Variants in FBXO24 observed in about 807,000 individuals in gnomAD.
The protein encoded by FBXO24 is F-box protein 24.
A neutral mutation model predicts 63.5 loss-of-function variants in FBXO24; 30 were observed. That is an observed-to-expected ratio of 0.47 (90% CI 0.35 to 0.64). FBXO24 has a LOEUF of 0.64. Among genes scored for constraint, FBXO24 ranks in the 30% least tolerant of loss-of-function variants. The pLI is 0.00. For missense variants in FBXO24, 624 were observed against 763.4 expected, an observed-to-expected ratio of 0.82 and a Z score of 2.15; for synonymous variants, 300 against 305.0, an observed-to-expected ratio of 0.98 and a Z score of 0.17.
chr7:100,591,663 C>T lies in FBXO24; in HGVS notation c.323-4C>T. On this transcript the variant is annotated splice_region_variant and splice_polypyrimidine_tract_variant and intron_variant, in intron 3 of 9. Transcript: ENST00000241071. ...TGAACCTTCCATCTCCTTCCTTCCT[C>T]CAGACACGAAGGGCCTGTATTTCCA... The T allele has an allele frequency of 6.2e-7, 1 of 1,613,732 alleles. No homozygotes were observed.
chr7:100,596,670 G>A (rs1802322755), intron 8 of FBXO24, among the ~76,000 whole-genome samples: 1 of 152,136 alleles, frequency 6.6e-6, no homozygotes, highest in Admixed American at 6.5e-5. Flanking sequence ...AGAATGGGAA[G>A]GAATGGATAC....
chr7:100,589,642 T>G, intron 1 of FBXO24: 1 of 1,483,860 alleles, frequency 6.7e-7, no homozygotes, highest in Non-Finnish European at 9.0e-7. Context: ...GCTGGGGACA[T>G]GGTGTGGGAA....
At chr7:100,599,072 A>G (rs1802452744) in intron 8 of FBXO24, among the ~76,000 whole-genome samples, 1 of 151,992 alleles carries the variant, frequency 6.6e-6, no homozygotes, top group Non-Finnish European at 1.5e-5. Flanking sequence ...TCTATAGAAA[A>G]TTTAAAAATT....
At chr7:100,587,785 G>C (rs1249474288) in intron 1 of FBXO24, among the ~76,000 whole-genome samples, 1 of 151,474 alleles carries the variant, frequency 6.6e-6, no homozygotes, top group Non-Finnish European at 1.5e-5. Context: ...AATTTTTGTA[G>C]AGATGGGGTT....
At chr7:100,595,746 C>T in intron 8 of FBXO24, 40 bp downstream of exon 8, 1 of 1,534,646 alleles carries the variant, frequency 6.5e-7, no homozygotes, top group East Asian at 2.3e-5. Context: ...CAACCCCTTT[C>T]CTCCAATTCC....
chr7:100,599,886 C>A, intron 8 of FBXO24, 145 bp from the exon 9 acceptor site: 1 of 876,006 alleles, frequency 1.1e-6, no homozygotes, highest in Non-Finnish European at 1.8e-6. Context: ...GTCAGCAGGG[C>A]AGACCTGGGG....
At position 100,600,581 on chromosome 7, in the gene FBXO24, C is replaced by A; in HGVS notation, c.1425C>A (p.Tyr475Ter). 1 of 1,603,422 alleles carries A rather than the reference C, an allele frequency of 6.2e-7. No individual in the cohort carries two copies. The highest frequency in any genetic ancestry group is 8.5e-7 in the Non-Finnish European group (1 of 1,173,526). ...CALCATRECL[Y>*]ILSSHDIEQH... ...TCTGTGCCACCAGGGAGTGCCTATA[C>A]ATCCTGTCCAGCCACGACATTGAGC... Residue 475 changes from tyrosine to a stop codon, truncating the protein, a stop_gained, in exon 10 of 10, where the codon TAC becomes TAA. Coordinates refer to ENST00000241071, the MANE Select transcript of FBXO24 (RefSeq NM_033506.3). LOFTEE classifies it high-confidence loss of function. The surrounding 1 kb of genome is among the most constrained non-coding windows in gnomAD (Gnocchi z 6.3).
Position 100,595,344 on chromosome 7 carries a change from T to C in FBXO24, c.1074+121T>C, listed in dbSNP as rs1802253871. On this transcript the variant is annotated intron_variant, in intron 7 of 9. Transcript: ENST00000241071. ...GGCAGGGGATCCCCAGGGAGAGGTA[T>C]GCCAAAAGAGATCAGCTGGGGGCTC... is the stretch of plus-strand genomic sequence containing the variant. 5.2e-6 allele frequency: 8 copies of C among 1,533,588 alleles called. No homozygotes were observed. The South Asian group carries it at 9.7e-5, about 19-fold the overall frequency. The allele number at this position is 1,533,588 out of a possible 1,614,324, so 95.0% of individuals were successfully genotyped here. A position where few individuals can be genotyped will look rare whatever the true frequency, so the allele number is the denominator to read the frequency against.
intron 8 of FBXO24, among the ~76,000 whole-genome samples, chr7:100,596,871 T>C (rs1475306291): frequency 6.6e-6 from 1 of 152,060 alleles, no homozygotes; most frequent in Non-Finnish European, 1.5e-5. Flanking sequence ...GGTGAAACCC[T>C]GTCTCTAGAA....
chr7:100,599,703 G>T (rs1463634950), intron 8 of FBXO24: 11 of 285,408 alleles, frequency 3.9e-5, no homozygotes, highest in Non-Finnish European at 7.4e-5. Flanking sequence ...TCTCCCCGAG[G>T]CTGGCAGGCA....
chr7:100,600,220 G>T lies in FBXO24; in HGVS notation c.1377+19G>T. 6.6e-7 allele frequency: 1 copy of T among 1,511,714 alleles called. No individual in the cohort carries two copies. The highest frequency in any genetic ancestry group is 1.3e-5 in the South Asian group (1 of 78,458). 93.6% of individuals were successfully genotyped at this position (1,511,714 alleles called of 1,614,324 possible). A position where few individuals can be genotyped will look rare whatever the true frequency, so the allele number is the denominator to read the frequency against. On this transcript the variant is annotated intron_variant, in intron 9 of 9. Coordinates refer to ENST00000241071, the MANE Select transcript of FBXO24 (RefSeq NM_033506.3). The surrounding 1 kb of genome is among the most constrained non-coding windows in gnomAD (Gnocchi z 6.3). ...AGTCAAGGTCAGAGCGGGGTCAGGA[G>T]AGTGGGCACCCAGGGAGGATGAGAG...
At chr7:100,592,004 T>A in intron 4 of FBXO24, 102 bp downstream of exon 4, 1 of 1,163,996 alleles carries the variant, frequency 8.6e-7, no homozygotes, top group African/African-American at 1.5e-5. Context: ...CTTACACCTG[T>A]AATCCTAGCA....
At position 100,595,630 on chromosome 7, in the gene FBXO24, G is replaced by A. The variant is rs752094310; in HGVS notation, c.1130G>A (p.Arg377Gln). The change falls in exon 8 of 10, where the codon CGA becomes CAA. Residue 377 changes from arginine (R) to glutamine (Q), a missense_variant. Around this residue, in one of 3 missense-constraint regions of FBXO24, gnomAD observed 17 missense variants for 49.0 expected, o/e 0.35. Coordinates refer to ENST00000241071, the MANE Select transcript of FBXO24 (RefSeq NM_033506.3). ...CTTGGCCTGGTGGATGAATTTGGCC[G>A]AATCTTCATGCAAGGAAATAACAGA... ...NHLGLVDEFG[R>Q]IFMQGNNRYG... 5.6e-6 allele frequency: 9 copies of A among 1,613,216 alleles called. No homozygotes were observed. The highest frequency in any genetic ancestry group is 4.0e-5 in the African/African-American group (3 of 74,858).
rs755064009 is a variant in FBXO24, at chr7:100,600,645, G to A, written c.1489G>A (p.Val497Met). ...PYRHLPASRV[V>M]GTPEPSLGAR... is the part of the protein sequence containing the mutation. ...TCGCCACCTGCCAGCCAGCAGGGTG[G>A]TGGGGACTCCTGAGCCCAGCCTGGG... Residue 497 changes from valine (V) to methionine (M), a missense_variant, in exon 10 of 10, where the codon GTG (valine) becomes ATG (methionine). Around this residue, in one of 3 missense-constraint regions of FBXO24, gnomAD observed 216 missense variants for 245.2 expected, o/e 0.88. Coordinates refer to ENST00000241071, the MANE Select transcript of FBXO24 (RefSeq NM_033506.3). This position sits in a 1 kb window ranked among gnomAD's most constrained non-coding sequence, Gnocchi z 6.3. The A allele has an allele frequency of 2.5e-6, 4 of 1,613,852 alleles. 1 individual carries two copies. In the Middle Eastern group the frequency reaches 4.9e-4, roughly 199 times the overall value.
Position 100,590,073 on chromosome 7 carries a change from C to G in FBXO24, c.136C>G (p.Leu46Val), listed in dbSNP as rs1190837923. ...PISIQLFPPELVEHIISFLPV... is the reference protein window; with the variant it reads ...PISIQLFPPEVVEHIISFLPV... ...TTCCATCCAGTTGTTCCCCCCAGAG[C>G]TGGTGAGTCCTTGGGGAGGGGGATT... Residue 46 changes from leucine (L) to valine (V), a missense_variant and splice_region_variant, in exon 2 of 10, where the codon CTG becomes GTG. Coordinates refer to ENST00000241071, the MANE Select transcript of FBXO24 (RefSeq NM_033506.3). 6.2e-7 allele frequency: 1 copy of G among 1,612,436 alleles called. No individual in the cohort carries two copies. The highest frequency in any genetic ancestry group is 8.5e-7 in the Non-Finnish European group (1 of 1,179,186).
rs756621722 is a variant in FBXO24 at position 100,600,752 on chromosome 7, G to A, written c.1596G>A (p.Leu532=). 2.5e-6 allele frequency: 4 copies of A among 1,614,190 alleles called. No individual in the cohort carries two copies. The highest frequency in any genetic ancestry group is 3.4e-6 in the Non-Finnish European group (4 of 1,180,026). ...GCCAGATCCACAGTTGCCAAACGTT[G>A]CAGGACCGCACGGAGAAGATGAAGG... ...YLSQIHSCQT[L]QDRTEKMKEI... The change falls in exon 10 of 10, where the codon TTG becomes TTA. Residue 532 remains leucine, a synonymous_variant. Transcript: ENST00000241071. The surrounding 1 kb of genome is among the most constrained non-coding windows in gnomAD (Gnocchi z 6.3).
intron 4 of FBXO24, 152 bp from the exon 5 acceptor site, chr7:100,592,631 G>A: frequency 1.6e-6 from 1 of 637,774 alleles, no homozygotes; most frequent in South Asian, 1.9e-5. Flanking sequence ...TCTTTCCTAT[G>A]ACTTCTGCCC....
rs1291453301 is a variant in FBXO24 at position 100,600,754 on chromosome 7, A to C, written c.1598A>C (p.Gln533Pro). 10 of 1,614,054 alleles carry C rather than the reference A, an allele frequency of 6.2e-6. No individual in the cohort carries two copies. The highest frequency in any genetic ancestry group is 1.7e-5 in the Admixed American group (1 of 60,000). ...LSQIHSCQTL[Q>P]DRTEKMKEIV... is the part of the protein sequence containing the mutation. ...CAGATCCACAGTTGCCAAACGTTGC[A>C]GGACCGCACGGAGAAGATGAAGGAG... is the stretch of plus-strand genomic sequence containing the variant. Residue 533 changes from glutamine to proline, a missense_variant, in exon 10 of 10, where the codon CAG (glutamine) becomes CCG (proline). This residue lies in a region of FBXO24 where 216 missense variants were observed against 245.2 expected (regional missense o/e 0.88). Transcript: ENST00000241071. The surrounding 1 kb of genome is among the most constrained non-coding windows in gnomAD (Gnocchi z 6.3).
rs1190501075 is a variant in FBXO24 at position 100,600,704 on chromosome 7, C to T, written c.1548C>T (p.Ala516=). The T allele has an allele frequency of 6.2e-7, 1 of 1,614,198 alleles. No individual in the cohort carries two copies. The highest frequency in any genetic ancestry group is 1.1e-5 in the South Asian group (1 of 91,090). ...ARAPQDPGGM[A]QACEEYLSQI... is the part of the protein sequence containing the mutation. The stretch of plus-strand genomic sequence containing the variant: ...CACCCCAGGACCCCGGGGGGATGGC[C>T]CAGGCCTGCGAGGAGTACCTCAGCC... The change falls in exon 10 of 10, where the codon GCC becomes GCT. Residue 516 remains alanine (A), a synonymous_variant. Transcript: ENST00000241071. This position sits in a 1 kb window ranked among gnomAD's most constrained non-coding sequence, Gnocchi z 6.3.
Sources: gnomAD v4.1 joint callset for allele counts (sites outside exome capture counted in the v4.1 genomes callset) on GRCh38, gnomAD v4.1.1 for gene constraint, gnomAD v4.1.1 regional missense constraint, Gnocchi (gnomAD v3.1) non-coding constraint, MANE v1.5 for transcripts, NCBI Gene and HGNC (gene_info 2026-07-23, HGNC 2026-07-21) for gene names.